FOXO1: variants seen among roughly 807,000 people sequenced by gnomAD.
The protein encoded by FOXO1 is forkhead box O1.
In FOXO1, 6 loss-of-function variants were observed where a neutral mutation model predicts 44.1. The observed-to-expected ratio is 0.14, with a 90% CI of 0.07 to 0.27. FOXO1 has a LOEUF of 0.27. FOXO1 is among the 10% of genes least tolerant of loss of function. FOXO1 has a pLI of 1.00. For synonymous variants in FOXO1, 380 were observed against 362.7 expected, an observed-to-expected ratio of 1.05 and a Z score of -0.54; for missense variants, 737 against 888.8, an observed-to-expected ratio of 0.83 and a Z score of 2.17.
Position 40,560,396 on chromosome 13 carries a change from T to C in FOXO1, c.1095A>G (p.Ile365Met). 6.2e-7 allele frequency: 1 copy of C among 1,614,180 alleles called. No individual in the cohort carries two copies. The highest frequency in any genetic ancestry group is 8.5e-7 in the Non-Finnish European group (1 of 1,180,026). ...MASTLPSLSEISNPENMENLL... is the reference protein window; with the variant it reads ...MASTLPSLSEMSNPENMENLL... ...GATTTTCCATGTTTTCGGGATTGCTTATCTCAGACAGACTGGGTAAAGTAG... is the reference window on the plus strand; with the variant it reads ...GATTTTCCATGTTTTCGGGATTGCTCATCTCAGACAGACTGGGTAAAGTAG... Residue 365 changes from isoleucine to methionine, a missense_variant, in exon 2 of 3, where the codon ATA (isoleucine) becomes ATG (methionine). Ile to Met is a conservative substitution (Grantham distance 10). Coordinates refer to ENST00000379561, the MANE Select transcript of FOXO1 (RefSeq NM_002015.4). The surrounding 1 kb of genome is among the most constrained non-coding windows in gnomAD (Gnocchi z 5.1).
At chr13:40,593,101 G>A (rs1029613120) in intron 1 of FOXO1, among the ~76,000 whole-genome samples, 1 of 152,088 alleles carries the variant, frequency 6.6e-6, no homozygotes, top group African/African-American at 2.4e-5. Flanking sequence ...ATTGCTTACT[G>A]CAGCCTCAAA....
Position 40,558,121 on chromosome 13 carries a change from A to G in FOXO1, c.*928T>C, listed in dbSNP as rs1165942677. Reference sequence around the variant, plus strand: ...TGTACAAACCAGTTAAGCATGTATAAAATTAGTACTAATCCAGTTAGAATA... The same window carrying G: ...TGTACAAACCAGTTAAGCATGTATAGAATTAGTACTAATCCAGTTAGAATA... On this transcript the variant is annotated 3_prime_UTR_variant, in exon 3 of 3. Coordinates refer to ENST00000379561, the MANE Select transcript of FOXO1 (RefSeq NM_002015.4). 1 of 152,646 alleles carries G rather than the reference A, an allele frequency of 6.6e-6. No homozygotes were observed. The highest frequency in any genetic ancestry group is 2.4e-5 in the African/African-American group (1 of 41,454). The allele number at this position is 152,646 out of a possible 1,614,324, so 9.5% of individuals were successfully genotyped here. A position where few individuals can be genotyped will look rare whatever the true frequency, so the allele number is the denominator to read the frequency against.
At chr13:40,585,861 G>A (rs1271241182) in intron 1 of FOXO1, among the ~76,000 whole-genome samples, 2 of 152,176 alleles carry the variant, frequency 1.3e-5, no homozygotes, top group Non-Finnish European at 2.9e-5. Flanking sequence ...GGTGTCTTTT[G>A]GGTCTGTTTG....
chr13:40,569,292 GCC>G (rs952898571), intron 1 of FOXO1, among the ~76,000 whole-genome samples: 3 of 152,200 alleles, frequency 2.0e-5, no homozygotes, highest in African/African-American at 7.2e-5. Context: ...TTACTGCTGG[GCC>G]CTTCTGAGTA....
intron 1 of FOXO1, among the ~76,000 whole-genome samples, chr13:40,647,655 TC>T (rs1215605301): frequency 6.6e-6 from 1 of 152,144 alleles, no homozygotes; most frequent in Non-Finnish European, 1.5e-5. Context: ...GCCACCAGCC[TC>T]AGCGTCCCAG....
chr13:40,574,445 A>G (rs1874664015), intron 1 of FOXO1, among the ~76,000 whole-genome samples: 4 of 152,240 alleles, frequency 2.6e-5, no homozygotes, highest in East Asian at 1.9e-4. Context: ...GGAAAACATA[A>G]AACAGATTAT....
chr13:40,665,932 ACCG>A lies in FOXO1; in HGVS notation c.278_280del (p.Ala93del). Reference sequence around the variant, plus strand: ...GGCGGCCGCGGCGGCCGCCGCCGCCACCGCCGCCGCCACGGAGCCGGGCGCCTG... The same window carrying A: ...GGCGGCCGCGGCGGCCGCCGCCGCCACCGCCGCCACGGAGCCGGGCGCCTG... On this transcript the variant is annotated inframe_deletion, in exon 1 of 3. Coordinates refer to ENST00000379561, the MANE Select transcript of FOXO1 (RefSeq NM_002015.4). The A allele has an allele frequency of 8.3e-7, 1 of 1,211,922 alleles. No homozygotes were observed. Among genetic ancestry groups the A allele is most frequent in the East Asian group, 3.4e-5 (1 of 29,538 alleles). 75.1% of individuals were successfully genotyped at this position (1,211,922 alleles called of 1,614,324 possible).
intron 1 of FOXO1, among the ~76,000 whole-genome samples, chr13:40,561,543 A>G (rs1874017420): frequency 6.6e-6 from 1 of 152,132 alleles, no homozygotes; most frequent in South Asian, 2.1e-4. Flanking sequence ...AACCCCTTCC[A>G]TTCTACTATC....
chr13:40,557,552 TC>T lies in FOXO1; in HGVS notation c.*1496del, dbSNP rs1380910493. The T allele has an allele frequency of 3.3e-5, 5 of 152,194 alleles. No individual in the cohort carries two copies. The highest frequency in any genetic ancestry group is 9.6e-5 in the African/African-American group (4 of 41,454). The allele number at this position is 152,194 out of a possible 1,614,324, so 9.4% of individuals were successfully genotyped here. A position where few individuals can be genotyped will look rare whatever the true frequency, so the allele number is the denominator to read the frequency against. The stretch of plus-strand genomic sequence containing the variant: ...TATGAACACAAATTCTACAAACCAC[TC>T]AAGTCCCATTTTTAAATTCCCTCCT... On this transcript the variant is annotated 3_prime_UTR_variant, in exon 3 of 3. Transcript: ENST00000379561.
At chr13:40,651,703 C>A (rs1411046770) in intron 1 of FOXO1, among the ~76,000 whole-genome samples, 2 of 150,960 alleles carry the variant, frequency 1.3e-5, no homozygotes, top group East Asian at 3.9e-4. Flanking sequence ...AAATATACAT[C>A]TAAATATACA....
intron 1 of FOXO1, among the ~76,000 whole-genome samples, chr13:40,575,727 T>C (rs141719030): frequency 0.016 from 2,463 of 152,320 alleles, 31 homozygotes; most frequent in Non-Finnish European, 0.025. Flanking sequence ...AAATAACAAG[T>C]AGGCATTAAG....
At chr13:40,649,373 G>A (rs1222905099) in intron 1 of FOXO1, among the ~76,000 whole-genome samples, 1 of 152,140 alleles carries the variant, frequency 6.6e-6, no homozygotes, top group Non-Finnish European at 1.5e-5. Context: ...GGGGGGTGGG[G>A]AGTATAAATG....
chr13:40,612,995 T>C (rs564459786), intron 1 of FOXO1, among the ~76,000 whole-genome samples: 1 of 152,270 alleles, frequency 6.6e-6, no homozygotes, highest in East Asian at 1.9e-4. Context: ...AACTCCACTT[T>C]CCCTGCCCTC....
intron 1 of FOXO1, among the ~76,000 whole-genome samples, chr13:40,578,883 C>A (rs1307556299): frequency 6.6e-6 from 1 of 152,218 alleles, no homozygotes; most frequent in Admixed American, 6.5e-5. Flanking sequence ...CCTCCACGCA[C>A]ATACACATTT....
intron 1 of FOXO1, among the ~76,000 whole-genome samples, chr13:40,624,803 G>GTAATGAAAA (rs1347425522): frequency 6.6e-6 from 1 of 152,174 alleles, no homozygotes; most frequent in Non-Finnish European, 1.5e-5. Flanking sequence ...AGTATTTCGA[G>GTAATGAAAA]TAATGAAAAT....
At chr13:40,592,375 C>T (rs558373201) in intron 1 of FOXO1, among the ~76,000 whole-genome samples, 2 of 152,328 alleles carry the variant, frequency 1.3e-5, no homozygotes, top group South Asian at 2.1e-4. Flanking sequence ...TGAACTAGAC[C>T]TGCAATATCT....
At chr13:40,650,601 ACTC>A (rs780345124) in intron 1 of FOXO1, among the ~76,000 whole-genome samples, 5 of 152,192 alleles carry the variant, frequency 3.3e-5, no homozygotes, top group Non-Finnish European at 5.9e-5. Flanking sequence ...CTGAGGGTCC[ACTC>A]CTCAAGCACA....
rs1878217972 is a variant in FOXO1 at position 40,665,802 on chromosome 13, C to A, written c.411G>T (p.Val137=). Residue 137 remains valine (V), a synonymous_variant, in exon 1 of 3, where the codon GTG becomes GTT. Coordinates refer to ENST00000379561, the MANE Select transcript of FOXO1 (RefSeq NM_002015.4). The part of the protein sequence containing the change: ...PPGPLSQHPP[V]PPAAAGPLAG... The stretch of plus-strand genomic sequence containing the variant: ...CGAGCGGCCCAGCGGCGGCGGGGGG[C>A]ACCGGCGGGTGCTGCGACAGCGGCC... The A allele has an allele frequency of 7.3e-6, 9 of 1,234,462 alleles. No homozygotes were observed. Among genetic ancestry groups the A allele is most frequent in the Non-Finnish European group, 9.2e-6 (9 of 982,892 alleles). The allele number at this position is 1,234,462 out of a possible 1,614,324, so 76.5% of individuals were successfully genotyped here.
chr13:40,594,642 G>C (rs116773148), intron 1 of FOXO1, among the ~76,000 whole-genome samples: 31 of 152,288 alleles, frequency 2.0e-4, no homozygotes, highest in African/African-American at 7.0e-4. Flanking sequence ...CAGGGAGCGA[G>C]GGTTCTGGAT....
Sources: allele counts gnomAD v4.1 joint callset (sites outside exome capture counted in the v4.1 genomes callset), GRCh38; gene constraint gnomAD v4.1.1; non-coding constraint Gnocchi (gnomAD v3.1); transcripts MANE v1.5; gene names NCBI Gene and HGNC (gene_info 2026-07-23, HGNC 2026-07-21).